The following GPR12 variants were observed in gnomAD, a reference collection of about 807,000 sequenced individuals.
GPR12 encodes the protein G-protein coupled receptor 12.
GPR12 carries 7 observed loss-of-function variants against 18.9 expected under a neutral mutation model. The ratio of observed to expected loss-of-function variants is 0.37; its 90% CI spans 0.21 to 0.70. GPR12 has a LOEUF of 0.70. GPR12 is among the 30% of genes least tolerant of loss of function. GPR12 has a pLI of 0.54. For missense variants in GPR12, 327 were observed against 427.7 expected (o/e 0.76, Z 2.08); for synonymous variants, 201 against 188.6 (o/e 1.07, Z -0.54).
rs1371839215 is a variant in GPR12 at position 26,759,475 on chromosome 13, C to G, written c.353G>C (p.Gly118Ala). ...GGCAGAGAAAGAGGCGACAATGAGG[C>G]CGATCGTGACCAGCTTGGTGGCTTC... ...QSEATKLVTI[G>A]LIVASFSASV... Residue 118 changes from glycine (G) to alanine (A), a missense_variant, in exon 2 of 2, where the codon GGC becomes GCC. Coordinates refer to ENST00000405846, the MANE Select transcript of GPR12 (RefSeq NM_005288.4). The G allele has an allele frequency of 6.2e-7, 1 of 1,614,130 alleles. No homozygotes were observed. The highest frequency in any genetic ancestry group is 8.5e-7 in the Non-Finnish European group (1 of 1,180,028).
In GPR12 at chr13:26,759,745, G is replaced by A. The variant is rs1179304798; in HGVS notation, c.83C>T (p.Ala28Val). Reference protein sequence around the residue: ...DAAAAENISAAVSSRVPAVEP... With the variant: ...DAAAAENISAVVSSRVPAVEP... Reference sequence around the variant, plus strand: ...TACGGCAGGAACCCGGGAGGAGACAGCAGCCGAGATGTTCTCCGCAGCAGC... The same window carrying A: ...TACGGCAGGAACCCGGGAGGAGACAACAGCCGAGATGTTCTCCGCAGCAGC... Residue 28 changes from alanine to valine, a missense_variant, in exon 2 of 2, where the codon GCT becomes GTT. Coordinates refer to ENST00000405846, the MANE Select transcript of GPR12 (RefSeq NM_005288.4). 3 of 1,613,104 alleles carry A rather than the reference G, an allele frequency of 1.9e-6. 1 individual carries two copies. The South Asian group carries it at 3.3e-5, about 18-fold the overall frequency.
chr13:26,758,074 A>G lies in GPR12; in HGVS notation c.*749T>C, dbSNP rs1884407789. The G allele has an allele frequency of 6.6e-6, 1 of 152,246 alleles. No individual in the cohort carries two copies. Among genetic ancestry groups the G allele is most frequent in the African/African-American group, 2.4e-5 (1 of 41,468 alleles). 9.4% of individuals were successfully genotyped at this position (152,246 alleles called of 1,614,324 possible). ...TAGAAAGTACATATTGGAAAACTAT[A>G]TTGAAAAATGACCCGTTGGAATCTA... On this transcript the variant is annotated 3_prime_UTR_variant, in exon 2 of 2. Coordinates refer to ENST00000405846, the MANE Select transcript of GPR12 (RefSeq NM_005288.4).
chr13:26,759,735 G>C lies in GPR12; in HGVS notation c.93C>G (p.Ser31=). The change falls in exon 2 of 2, where the codon TCC becomes TCG. Residue 31 remains serine (S), a synonymous_variant. Coordinates refer to ENST00000405846, the MANE Select transcript of GPR12 (RefSeq NM_005288.4). ...GCTCTGGCTCTACGGCAGGAACCCG[G>C]GAGGAGACAGCAGCCGAGATGTTCT... ...AAENISAAVS[S]RVPAVEPEPE... is the part of the protein sequence containing the mutation. The C allele has an allele frequency of 6.2e-7, 1 of 1,613,384 alleles. No individual in the cohort carries two copies. Among genetic ancestry groups the C allele is most frequent in the Non-Finnish European group, 8.5e-7 (1 of 1,179,348 alleles).
chr13:26,758,861 T>C lies in GPR12; in HGVS notation c.967A>G (p.Ser323Gly), dbSNP rs1457348062. 1.2e-6 allele frequency: 2 copies of C among 1,613,662 alleles called. No individual in the cohort carries two copies. Among genetic ancestry groups the C allele is most frequent in the Non-Finnish European group, 8.5e-7 (1 of 1,179,616 alleles). The change falls in exon 2 of 2, where the codon AGT becomes GGT. Residue 323 changes from serine (S) to glycine (G), a missense_variant. Ser to Gly is a moderately conservative substitution (Grantham distance 56). Coordinates refer to ENST00000405846, the MANE Select transcript of GPR12 (RefSeq NM_005288.4). ...GGCGAGCGCGCTCTCTGGGCGAGAC[T>C]GGACGGGATGCAGCCGCAGCAAATG... is the stretch of plus-strand genomic sequence containing the variant. ...CLICCGCIPS[S>G]LAQRARSPSD...
intron 1 of GPR12, chr13:26,760,302 A>C (rs1593161711): frequency 5.9e-6 from 1 of 168,502 alleles, no homozygotes. Context: ...TCGAACTCCC[A>C]CCCTCCAAAC....
At chr13:26,760,500 G>C (rs1884462783) in intron 1 of GPR12, 79 bp downstream of exon 1, 1 of 152,000 alleles carries the variant, frequency 6.6e-6, no homozygotes, top group Non-Finnish European at 1.5e-5. Context: ...CGGCGGGGAC[G>C]GGAGTCGGAC....
rs1884407393 is a variant in GPR12 at position 26,758,057 on chromosome 13, A to G, written c.*766T>C. ...TACTTCAGGATTCATTTTAGAAAGT[A>G]CATATTGGAAAACTATATTGAAAAA... is the stretch of plus-strand genomic sequence containing the variant. On this transcript the variant is annotated 3_prime_UTR_variant, in exon 2 of 2. Transcript: ENST00000405846. 1 of 152,236 alleles carries G rather than the reference A, an allele frequency of 6.6e-6. No individual in the cohort carries two copies. Among genetic ancestry groups the G allele is most frequent in the Admixed American group, 6.5e-5 (1 of 15,272 alleles). 9.4% of individuals were successfully genotyped at this position (152,236 alleles called of 1,614,324 possible).
Position 26,758,758 on chromosome 13 carries a change from T to A in GPR12, c.*65A>T. ...CAATGCAAGGAATTCAAGGGAAGCA[T>A]CTCAAACCTTGGCCAGGCAGTGGAA... is the stretch of plus-strand genomic sequence containing the variant. On this transcript the variant is annotated 3_prime_UTR_variant, in exon 2 of 2. Coordinates refer to ENST00000405846, the MANE Select transcript of GPR12 (RefSeq NM_005288.4). The A allele has an allele frequency of 1.3e-6, 2 of 1,530,570 alleles. No homozygotes were observed. The highest frequency in any genetic ancestry group is 1.8e-6 in the Non-Finnish European group (2 of 1,138,072). The allele number at this position is 1,530,570 out of a possible 1,614,324, so 94.8% of individuals were successfully genotyped here.
At position 26,758,774 on chromosome 13, in the gene GPR12, G is replaced by C. The variant is rs200921336; in HGVS notation, c.*49C>G. ...AGGGAAGCATCTCAAACCTTGGCCA[G>C]GCAGTGGAAGTGCTTGGTAAATGCA... On this transcript the variant is annotated 3_prime_UTR_variant, in exon 2 of 2. Transcript: ENST00000405846. The C allele has an allele frequency of 2.9e-5, 44 of 1,541,936 alleles. No homozygotes were observed. In the African/African-American group the frequency reaches 5.6e-4, roughly 20 times the overall value.
In GPR12 at chr13:26,755,777, T is replaced by C. The variant is rs982747436; in HGVS notation, c.*3046A>G. 2 of 152,246 alleles carry C rather than the reference T, an allele frequency of 1.3e-5. No homozygotes were observed. The highest frequency in any genetic ancestry group is 4.8e-5 in the African/African-American group (2 of 41,468). 9.4% of individuals were successfully genotyped at this position (152,246 alleles called of 1,614,324 possible). A position where few individuals can be genotyped will look rare whatever the true frequency, so the allele number is the denominator to read the frequency against. ...GGATTCTGGTAAAGTAATGGAACTGTCCTAGTTACAAGGATAACTGTTTCT... is the reference window on the plus strand; with the variant it reads ...GGATTCTGGTAAAGTAATGGAACTGCCCTAGTTACAAGGATAACTGTTTCT... On this transcript the variant is annotated 3_prime_UTR_variant, in exon 2 of 2. Coordinates refer to ENST00000405846, the MANE Select transcript of GPR12 (RefSeq NM_005288.4).
rs1884438178 is a variant in GPR12 at position 26,759,404 on chromosome 13, G to A, written c.424C>T (p.Leu142=). ...LAITVDRYLS[L]YYALTYHSER... ...GAATGGTACGTCAGAGCGTAGTACA[G>A]TGAGAGGTAGCGGTCAACAGTGATA... The change falls in exon 2 of 2, where the codon CTG becomes TTG. Residue 142 remains leucine (L), a synonymous_variant. Transcript: ENST00000405846. 2 of 1,614,066 alleles carry A rather than the reference G, an allele frequency of 1.2e-6. No individual in the cohort carries two copies. The highest frequency in any genetic ancestry group is 8.5e-7 in the Non-Finnish European group (1 of 1,180,022).
At position 26,755,850 on chromosome 13, in the gene GPR12, G is replaced by A. The variant is rs899983149; in HGVS notation, c.*2973C>T. On this transcript the variant is annotated 3_prime_UTR_variant, in exon 2 of 2. Coordinates refer to ENST00000405846, the MANE Select transcript of GPR12 (RefSeq NM_005288.4). ...GGTAGCTAGAAATTTTAATTATGTG[G>A]AGTAAAAGATTATCTGCTACCTCAG... 4 of 152,164 alleles carry A rather than the reference G, an allele frequency of 2.6e-5. No homozygotes were observed. Among genetic ancestry groups the A allele is most frequent in the African/African-American group, 9.7e-5 (4 of 41,440 alleles). 9.4% of individuals were successfully genotyped at this position (152,164 alleles called of 1,614,324 possible).
chr13:26,758,986 A>G lies in GPR12; in HGVS notation c.842T>C (p.Ile281Thr). ...GGGCAGGAGGGTGGCGTAGGTATAGATGGAGGGGTAGGTGTAATCCGCTAT... is the reference window on the plus strand; with the variant it reads ...GGGCAGGAGGGTGGCGTAGGTATAGGTGGAGGGGTAGGTGTAATCCGCTAT... ...SLIADYTYPS[I>T]YTYATLLPAT... is the part of the protein sequence containing the mutation. Residue 281 changes from isoleucine (I) to threonine (T), a missense_variant, in exon 2 of 2, where the codon ATC (isoleucine) becomes ACC (threonine). Ile to Thr is a moderately conservative substitution (Grantham distance 89). Coordinates refer to ENST00000405846, the MANE Select transcript of GPR12 (RefSeq NM_005288.4). The G allele has an allele frequency of 6.2e-7, 1 of 1,613,994 alleles. No individual in the cohort carries two copies. Among genetic ancestry groups the G allele is most frequent in the Non-Finnish European group, 8.5e-7 (1 of 1,180,002 alleles).
Position 26,757,538 on chromosome 13 carries a change from A to G in GPR12, c.*1285T>C, listed in dbSNP as rs1009057331. 6 of 152,364 alleles carry G rather than the reference A, an allele frequency of 3.9e-5. No individual in the cohort carries two copies. Among genetic ancestry groups the G allele is most frequent in the Admixed American group, 3.3e-4 (5 of 15,306 alleles). 9.4% of individuals were successfully genotyped at this position (152,364 alleles called of 1,614,324 possible). On this transcript the variant is annotated 3_prime_UTR_variant, in exon 2 of 2. Coordinates refer to ENST00000405846, the MANE Select transcript of GPR12 (RefSeq NM_005288.4). Reference sequence around the variant, plus strand: ...GACTACATTCTTGTTCTCTGAAAACAGGCAATGTGATTTTTATTGTGTATA... The same window carrying G: ...GACTACATTCTTGTTCTCTGAAAACGGGCAATGTGATTTTTATTGTGTATA...
Position 26,759,336 on chromosome 13 carries a change from G to C in GPR12, c.492C>G (p.Leu164=). The change falls in exon 2 of 2, where the codon CTC becomes CTG. Residue 164 remains leucine (L), a synonymous_variant. Transcript: ENST00000405846. ...GCCCCAGGCAGATGGAGGTCCCCCA[G>C]AGCATGACGAGCATGACATAGGTAA... ...VTFTYVMLVM[L]WGTSICLGLL... is the part of the protein sequence containing the mutation. 6.2e-7 allele frequency: 1 copy of C among 1,613,424 alleles called. No individual in the cohort carries two copies. Among genetic ancestry groups the C allele is most frequent in the Non-Finnish European group, 8.5e-7 (1 of 1,180,010 alleles).
At position 26,758,698 on chromosome 13, in the gene GPR12, G is replaced by T; in HGVS notation, c.*125C>A. ...CATCTGAACGATGTCATTGTTTCAC[G>T]AATGCTAAGTGCTCCTGTGGCTTGA... On this transcript the variant is annotated 3_prime_UTR_variant, in exon 2 of 2. Coordinates refer to ENST00000405846, the MANE Select transcript of GPR12 (RefSeq NM_005288.4). The T allele has an allele frequency of 2.2e-6, 3 of 1,334,832 alleles. No homozygotes were observed. Among genetic ancestry groups the T allele is most frequent in the East Asian group, 2.5e-5 (1 of 40,134 alleles). The allele number at this position is 1,334,832 out of a possible 1,614,324, so 82.7% of individuals were successfully genotyped here.
At position 26,759,192 on chromosome 13, in the gene GPR12, G is replaced by A. The variant is rs1884432297; in HGVS notation, c.636C>T (p.Leu212=). 2.5e-6 allele frequency: 4 copies of A among 1,613,108 alleles called. No homozygotes were observed. In the East Asian group the frequency reaches 6.7e-5, roughly 27 times the overall value. The change falls in exon 2 of 2, where the codon CTC becomes CTT. Residue 212 remains leucine, a synonymous_variant. Transcript: ENST00000405846. ...AGATCTGGATGTAGAGCTGAAGCATGAGCGCAAACATGAAGAGGAAGGACA... is the reference window on the plus strand; with the variant it reads ...AGATCTGGATGTAGAGCTGAAGCATAAGCGCAAACATGAAGAGGAAGGACA... The part of the protein sequence containing the change: ...LSVSFLFMFA[L]MLQLYIQICK...
chr13:26,759,392 G>A lies in GPR12; in HGVS notation c.436C>T (p.Leu146=), dbSNP rs1884437797. 6.2e-7 allele frequency: 1 copy of A among 1,614,072 alleles called. No individual in the cohort carries two copies. The change falls in exon 2 of 2, where the codon CTG becomes TTG. Residue 146 remains leucine (L), a synonymous_variant. Coordinates refer to ENST00000405846, the MANE Select transcript of GPR12 (RefSeq NM_005288.4). ...ACCGTCCTCTCCGAATGGTACGTCA[G>A]AGCGTAGTACAGTGAGAGGTAGCGG... ...VDRYLSLYYA[L]TYHSERTVTF...
chr13:26,757,776 A>T lies in GPR12; in HGVS notation c.*1047T>A, dbSNP rs917353375. 20 of 152,174 alleles carry T rather than the reference A, an allele frequency of 1.3e-4. No homozygotes were observed. The highest frequency in any genetic ancestry group is 4.8e-4 in the African/African-American group (20 of 41,446). 9.4% of individuals were successfully genotyped at this position (152,174 alleles called of 1,614,324 possible). A position where few individuals can be genotyped will look rare whatever the true frequency, so the allele number is the denominator to read the frequency against. ...ACCACAGACAGTATGAACCAGAAAA[A>T]CTTGGCCTATAATATTTATTCTAAT... On this transcript the variant is annotated 3_prime_UTR_variant, in exon 2 of 2. Transcript: ENST00000405846.
Sources: allele counts gnomAD v4.1 joint callset, GRCh38; gene constraint gnomAD v4.1.1; transcripts MANE v1.5; gene names NCBI Gene and HGNC (gene_info 2026-07-23, HGNC 2026-07-21).